NBAS: variants seen among roughly 807,000 people sequenced by gnomAD.
The protein encoded by NBAS is NAG/BC035112 fusion.
A neutral mutation model predicts 302.5 loss-of-function variants in NBAS; 219 were observed. The ratio of observed to expected loss-of-function variants is 0.72; its 90% CI spans 0.65 to 0.81. NBAS has a LOEUF of 0.81. NBAS is among the 30% of genes least tolerant of loss of function. NBAS has a pLI of 0.00. For synonymous variants in NBAS, 1,118 were observed against 1,021.6 expected (o/e 1.09, Z -1.80); for missense variants, 2,932 against 2,841.6 (o/e 1.03, Z -0.72).
intron 48 of NBAS, among the ~76,000 whole-genome samples, chr2:15,199,113 T>A (rs1309469361): frequency 3.1e-5 from 3 of 97,152 alleles, no homozygotes; most frequent in Non-Finnish European, 5.6e-5. Flanking sequence ...GGCGACAGAG[T>A]AAGACTCCAT....
In NBAS at chr2:15,275,551, C is replaced by T. The variant is rs370106017; in HGVS notation, c.5657G>A (p.Arg1886His). Residue 1886 changes from arginine to histidine, a missense_variant, in exon 44 of 52, where the codon CGT becomes CAT. Physicochemically the swap from Arg to His is conservative, Grantham distance 29. Transcript: ENST00000281513. ...AYDVCMKYFD[R>H]LHPGDLITVV... ...AGTGATGAGGTCACCTGGGTGGAGA[C>T]GATCAAAGTACTTCATGCAGACATC... 1.9e-5 allele frequency: 31 copies of T among 1,613,772 alleles called. No homozygotes were observed. Among genetic ancestry groups the T allele is most frequent in the South Asian group, 5.5e-5 (5 of 90,988 alleles).
At chr2:14,849,331 C>G in the NBAS span, among the ~76,000 whole-genome samples, 1 of 151,678 alleles carries the variant, frequency 6.6e-6, no homozygotes, top group Non-Finnish European at 1.5e-5. Context: ...AGGGTATCAG[C>G]AATGGAAGAT....
chr2:15,442,522 T>C (rs1429671984), intron 21 of NBAS, among the ~76,000 whole-genome samples: 1 of 152,010 alleles, frequency 6.6e-6, no homozygotes, highest in Non-Finnish European at 1.5e-5. Context: ...GGGAAATTTA[T>C]AGCACTAAAT....
chr2:15,536,545 T>G lies in NBAS; in HGVS notation c.520A>C (p.Ser174Arg). Residue 174 changes from serine to arginine, a missense_variant, in exon 8 of 52, where the codon AGT becomes CGT. Ser to Arg is a moderately radical substitution (Grantham distance 110). Transcript: ENST00000281513. The stretch of plus-strand genomic sequence containing the variant: ...GCATAGCTTAAGTCACCTATAAAAC[T>G]AGATGCCTACAGAAGAGGGGGAAAT... Reference protein sequence around the residue: ...SELFVISPASSFIGDLSYAIA... With the variant: ...SELFVISPASRFIGDLSYAIA... The G allele has an allele frequency of 6.2e-7, 1 of 1,606,514 alleles. No individual in the cohort carries two copies. Among genetic ancestry groups the G allele is most frequent in the Non-Finnish European group, 8.5e-7 (1 of 1,177,672 alleles).
At chr2:14,831,903 T>C in the NBAS span, among the ~76,000 whole-genome samples, 1 of 152,162 alleles carries the variant, frequency 6.6e-6, no homozygotes, top group East Asian at 1.9e-4. Context: ...AGACATGAAA[T>C]AGTCACATGG....
chr2:14,901,825 A>G, the NBAS span, among the ~76,000 whole-genome samples: 2 of 152,184 alleles, frequency 1.3e-5, no homozygotes, highest in Non-Finnish European at 2.9e-5. Context: ...TCCTGAAAAC[A>G]TTGACCTTGA....
At chr2:14,879,471 C>T in the NBAS span, among the ~76,000 whole-genome samples, 431 of 152,216 alleles carry the variant, frequency 2.8e-3, 3 homozygotes, top group African/African-American at 8.9e-3. Context: ...CCTTTACCAA[C>T]GGTGACATTA....
chr2:15,232,050 T>G (rs1384026492), intron 47 of NBAS, among the ~76,000 whole-genome samples: 1 of 152,156 alleles, frequency 6.6e-6, no homozygotes. Flanking sequence ...GTTTTTATTT[T>G]AAAGAGCATA....
intron 19 of NBAS, among the ~76,000 whole-genome samples, chr2:15,463,492 G>A (rs896583838): frequency 6.6e-5 from 10 of 152,002 alleles, no homozygotes; most frequent in Non-Finnish European, 1.5e-5. Flanking sequence ...CCCTCACAGA[G>A]GCATCCAATC....
chr2:14,899,941 G>C, the NBAS span, among the ~76,000 whole-genome samples: 4 of 152,188 alleles, frequency 2.6e-5, no homozygotes. Flanking sequence ...ACAAGAAAGA[G>C]AGGGTTCATA....
At chr2:14,914,813 T>A in the NBAS span, among the ~76,000 whole-genome samples, 1 of 152,182 alleles carries the variant, frequency 6.6e-6, no homozygotes, top group Non-Finnish European at 1.5e-5. Flanking sequence ...AAGGAGATGA[T>A]CATGTGTTTA....
rs187380521 is a variant in NBAS at position 15,523,061 on chromosome 2, C to A, written c.746+11482G>T. On this transcript the variant is annotated intron_variant, in intron 9 of 51. Transcript: ENST00000281513. ...TGCAGATTCAACCTATGGCACATAT[C>A]GAGCAATTCAACTTTTTCTTGTCAT... 3.1e-3 allele frequency among the ~76,000 whole-genome samples: 473 copies of A among 152,288 alleles called. 1 individual carries two copies. The highest frequency in any genetic ancestry group is 0.011 in the South Asian group (54 of 4,830).
At chr2:14,951,258 G>A in the NBAS span, among the ~76,000 whole-genome samples, 9 of 152,202 alleles carry the variant, frequency 5.9e-5, no homozygotes, top group Non-Finnish European at 7.3e-5. Flanking sequence ...GAGGAAGAGA[G>A]TGATCCAGAA....
At chr2:15,234,021 T>C (rs1010397288) in intron 46 of NBAS, among the ~76,000 whole-genome samples, 1 of 152,174 alleles carries the variant, frequency 6.6e-6, no homozygotes, top group East Asian at 1.9e-4. Flanking sequence ...CACCCACATA[T>C]CGACGCAAAG....
In NBAS at chr2:15,540,350, G is replaced by A. The variant is rs545721850; in HGVS notation, c.380-994C>T. Among the ~76,000 whole-genome samples, 163 of 152,052 alleles carry A rather than the reference G, an allele frequency of 1.1e-3. 1 individual carries two copies. Among genetic ancestry groups the A allele is most frequent in the South Asian group, 0.01 (50 of 4,812 alleles). On this transcript the variant is annotated intron_variant, in intron 6 of 51. Transcript: ENST00000281513. The stretch of plus-strand genomic sequence containing the variant: ...ATTGCCTCAAAAATGCTCCAGAAAC[G>A]TATGGCCTTCTTTTGATGCCTCTGC...
At position 15,483,529 on chromosome 2, in the gene NBAS, T is replaced by C. The variant is rs999977144; in HGVS notation, c.1084-5240A>G. On this transcript the variant is annotated intron_variant, in intron 12 of 51. Coordinates refer to ENST00000281513, the MANE Select transcript of NBAS (RefSeq NM_015909.4). ...TATAAACATAACATATGGGAAATGT[T>C]TGAAATGAAAATCACTTAAGCAATT... 5.3e-5 allele frequency among the ~76,000 whole-genome samples: 8 copies of C among 152,202 alleles called. No individual in the cohort carries two copies. The East Asian group carries it at 7.7e-4, about 15-fold the overall frequency.
chr2:14,902,267 G>C, the NBAS span, among the ~76,000 whole-genome samples: 1 of 152,166 alleles, frequency 6.6e-6, no homozygotes, highest in Non-Finnish European at 1.5e-5. Context: ...AAGTAGCTGG[G>C]ATTACAGGCA....
At chr2:15,137,711 G>C in the NBAS span, among the ~76,000 whole-genome samples, 2 of 152,094 alleles carry the variant, frequency 1.3e-5, no homozygotes, top group Admixed American at 6.5e-5. Context: ...CTTTGCCCAG[G>C]GAAATTTTAC....
the NBAS span, among the ~76,000 whole-genome samples, chr2:14,918,474 G>A: frequency 1.4e-4 from 22 of 152,180 alleles, no homozygotes; most frequent in Non-Finnish European, 3.1e-4. Context: ...ATAAAAATAT[G>A]TTAAGTGAAA....
Sources: gnomAD v4.1 joint callset for allele counts (sites outside exome capture counted in the v4.1 genomes callset) on GRCh38, gnomAD v4.1.1 for gene constraint, MANE v1.5 for transcripts, NCBI Gene and HGNC (gene_info 2026-07-23, HGNC 2026-07-21) for gene names.